ACACA: variants seen among roughly 807,000 people sequenced by gnomAD.
The protein encoded by ACACA is acetyl-CoA carboxylase alpha.
Under a neutral mutation model 296.1 loss-of-function variants are expected in ACACA, and 103 were observed. That is an observed-to-expected ratio of 0.35 (90% CI 0.30 to 0.41). The LOEUF is 0.41. Among genes scored for constraint, ACACA ranks in the 10% least tolerant of loss-of-function variants. The pLI is 1.00. For synonymous variants in ACACA, 953 were observed against 1,038.6 expected, an observed-to-expected ratio of 0.92 and a Z score of 1.58; for missense variants, 1,554 against 2,989.7, an observed-to-expected ratio of 0.52 and a Z score of 11.20.
At chr17:37,154,444 C>CA (rs2076159815) in intron 43 of ACACA, among the ~76,000 whole-genome samples, 1 of 151,244 alleles carries the variant, frequency 6.6e-6, no homozygotes, top group Non-Finnish European at 1.5e-5. Context: ...ACAGACAGAA[C>CA]AAAAAAACAC....
chr17:37,111,560 G>A lies in ACACA; in HGVS notation c.6536C>T (p.Pro2179Leu). 6.2e-7 allele frequency: 1 copy of A among 1,614,084 alleles called. No homozygotes were observed. The highest frequency in any genetic ancestry group is 8.5e-7 in the Non-Finnish European group (1 of 1,179,960). The change falls in exon 52 of 56, where the codon CCA (proline) becomes CTA (leucine). Residue 2179 changes from proline (P) to leucine (L), a missense_variant. Coordinates refer to ENST00000616317, the MANE Select transcript of ACACA (RefSeq NM_198834.3). Reference sequence around the variant, plus strand: ...TCGCTCAGCCAAGTGGATGTAGACTGGGTCCACCCGACGCATGGTTTTCAC... The same window carrying A: ...TCGCTCAGCCAAGTGGATGTAGACTAGGTCCACCCGACGCATGGTTTTCAC... ...DLVKTMRRVD[P>L]VYIHLAERLG... is the part of the protein sequence containing the mutation.
chr17:37,204,971 T>C (rs1450890511), intron 33 of ACACA, among the ~76,000 whole-genome samples: 4 of 152,170 alleles, frequency 2.6e-5, no homozygotes, highest in Admixed American at 2.0e-4. Context: ...GGAAGATAAG[T>C]AGATCACAAG....
chr17:37,400,740 C>G (rs9907598), intron 1 of ACACA, among the ~76,000 whole-genome samples: 1,806 of 147,548 alleles, frequency 0.012, 42 homozygotes, highest in African/African-American at 0.043. Context: ...GTGTGTGTGT[C>G]TGTGTGTGTG....
At position 37,321,286 on chromosome 17, in the gene ACACA, T is replaced by A. The variant is rs570742987; in HGVS notation, c.338+8887A>T. On this transcript the variant is annotated intron_variant, in intron 3 of 55. Coordinates refer to ENST00000616317, the MANE Select transcript of ACACA (RefSeq NM_198834.3). ...CAGAATCTGACCTTGACACTATTAC[T>A]GCCCAAGGATAAAGGTCTGCACAGC... Among the ~76,000 whole-genome samples the A allele has an allele frequency of 3.1e-4, 47 of 152,328 alleles. 1 individual carries two copies. In the South Asian group the frequency reaches 9.5e-3, roughly 31 times the overall value.
chr17:37,143,556 C>T (rs1471992456), intron 45 of ACACA: 3 of 552,034 alleles, frequency 5.4e-6, no homozygotes, highest in Non-Finnish European at 9.5e-6. Context: ...AAAGAAGACA[C>T]CATACAGTTT....
chr17:37,295,035 G>A (rs1429213189), intron 3 of ACACA, among the ~76,000 whole-genome samples: 4 of 152,224 alleles, frequency 2.6e-5, no homozygotes, highest in Non-Finnish European at 5.9e-5. Flanking sequence ...ATAGGAACTG[G>A]AGGCTGGGTG....
intron 1 of ACACA, among the ~76,000 whole-genome samples, chr17:37,382,135 TA>T (rs1472015495): frequency 6.6e-6 from 1 of 152,184 alleles, no homozygotes; most frequent in African/African-American, 2.4e-5. Context: ...CAATAAGATT[TA>T]TCAATTTATC....
At chr17:37,240,418 G>C (rs2080335748) in intron 24 of ACACA, 58 bp downstream of exon 24, 1 of 1,473,842 alleles carries the variant, frequency 6.8e-7, no homozygotes, top group Non-Finnish European at 9.4e-7. Flanking sequence ...GGGATAGTTT[G>C]GGTTGGTTAT....
Position 37,274,283 on chromosome 17 carries a change from C to G in ACACA, c.918G>C (p.Trp306Cys). 6.2e-7 allele frequency: 1 copy of G among 1,614,072 alleles called. No individual in the cohort carries two copies. The highest frequency in any genetic ancestry group is 8.5e-7 in the Non-Finnish European group (1 of 1,179,942). The change falls in exon 9 of 56, where the codon TGG (tryptophan) becomes TGC (cysteine). Residue 306 changes from tryptophan (W) to cysteine (C), a missense_variant. Trp to Cys is a radical substitution (Grantham distance 215). This residue lies in a region of ACACA where 47 missense variants were observed against 55.4 expected (regional missense o/e 0.85). Transcript: ENST00000616317. ...PWSGSGLRVD[W>C]QENDFSKRIL... The stretch of plus-strand genomic sequence containing the variant: ...TACGTTTTGAAAAATCATTTTCCTG[C>G]CAGTCCACACGAAGACCTGCAACAG...
chr17:37,379,093 A>G (rs1462476343), intron 1 of ACACA: 2 of 1,575,568 alleles, frequency 1.3e-6, no homozygotes, highest in Non-Finnish European at 1.7e-6. Context: ...CCAAACAAAA[A>G]ACAAAACCAG....
In ACACA at chr17:37,110,152, C is replaced by T. The variant is rs537791672; in HGVS notation, c.6565+1379G>A. 5.9e-5 allele frequency among the ~76,000 whole-genome samples: 9 copies of T among 152,202 alleles called. No homozygotes were observed. In the South Asian group the frequency reaches 1.5e-3, roughly 25 times the overall value. On this transcript the variant is annotated intron_variant, in intron 52 of 55. Coordinates refer to ENST00000616317, the MANE Select transcript of ACACA (RefSeq NM_198834.3). The stretch of plus-strand genomic sequence containing the variant: ...TGCAATTTGCTGTGTCCTGCAATTG[C>T]GGCATTGCTGCCTTTGTATGGAATT...
chr17:37,122,453 T>C lies in ACACA; in HGVS notation c.6138+78A>G, dbSNP rs970077227. 17 of 1,139,948 alleles carry C rather than the reference T, an allele frequency of 1.5e-5. No individual in the cohort carries two copies. The East Asian group carries it at 1.9e-4, about 13-fold the overall frequency. 70.6% of individuals were successfully genotyped at this position (1,139,948 alleles called of 1,614,324 possible). A position where few individuals can be genotyped will look rare whatever the true frequency, so the allele number is the denominator to read the frequency against. On this transcript the variant is annotated intron_variant, in intron 49 of 55. Transcript: ENST00000616317. ...TCCCTCTAAAACTGATGGTTTGCAA[T>C]GTTCCTGATGTATTCACAGGCACTG... is the stretch of plus-strand genomic sequence containing the variant.
At chr17:37,291,543 C>A (rs534113650) in intron 3 of ACACA, among the ~76,000 whole-genome samples, 2 of 152,244 alleles carry the variant, frequency 1.3e-5, no homozygotes, top group South Asian at 4.1e-4. Context: ...CTGTGTTGGG[C>A]CTCATCCAAA....
chr17:37,320,231 C>T (rs2047286232), intron 3 of ACACA, among the ~76,000 whole-genome samples: 1 of 151,960 alleles, frequency 6.6e-6, no homozygotes, highest in African/African-American at 2.4e-5. Flanking sequence ...GACCATAAGG[C>T]CTGGGCGCAG....
intron 14 of ACACA, among the ~76,000 whole-genome samples, chr17:37,255,376 T>G (rs2081182494): frequency 6.6e-6 from 1 of 151,988 alleles, no homozygotes; most frequent in Non-Finnish European, 1.5e-5. Flanking sequence ...CCTAATGAAA[T>G]GAAGAAATAA....
At chr17:37,217,031 G>C (rs2079030213) in intron 29 of ACACA, among the ~76,000 whole-genome samples, 1 of 151,888 alleles carries the variant, frequency 6.6e-6, no homozygotes, top group Non-Finnish European at 1.5e-5. Flanking sequence ...GGGAGGCCGA[G>C]GCAGGTAGAT....
chr17:37,287,437 C>T (rs2082826855), intron 3 of ACACA, among the ~76,000 whole-genome samples: 1 of 151,874 alleles, frequency 6.6e-6, no homozygotes. Flanking sequence ...GGGAGTATAA[C>T]AAGAAGGGAC....
At chr17:37,373,596 G>A (rs1369331813) in intron 1 of ACACA, among the ~76,000 whole-genome samples, 1 of 152,158 alleles carries the variant, frequency 6.6e-6, no homozygotes, top group Non-Finnish European at 1.5e-5. Context: ...TAGGGTCTGC[G>A]AGGTGATCAA....
chr17:37,401,561 CTTT>C (rs34680925), intron 1 of ACACA, among the ~76,000 whole-genome samples: 5 of 138,110 alleles, frequency 3.6e-5, no homozygotes, highest in Admixed American at 7.3e-5. Flanking sequence ...GTCTCTTTAC[CTTT>C]TTTTTTTTTT....
Sources: gnomAD v4.1 joint callset for allele counts (sites outside exome capture counted in the v4.1 genomes callset) on GRCh38, gnomAD v4.1.1 for gene constraint, gnomAD v4.1.1 regional missense constraint, MANE v1.5 for transcripts, NCBI Gene and HGNC (gene_info 2026-07-23, HGNC 2026-07-21) for gene names.